The following DNAH17 variants were observed in gnomAD, a reference collection of about 807,000 sequenced individuals.
DNAH17 encodes the protein dynein axonemal heavy chain 17.
A neutral mutation model predicts 485.6 loss-of-function variants in DNAH17; 376 were observed. The ratio of observed to expected loss-of-function variants is 0.77; its 90% CI spans 0.71 to 0.84. The LOEUF is 0.84. Among genes scored for constraint, DNAH17 ranks in the 40% least tolerant of loss-of-function variants. The pLI, the probability that DNAH17 is intolerant of heterozygous loss-of-function variation, is 0.00. For missense variants in DNAH17, 6,370 were observed against 5,839.3 expected (o/e 1.09, Z -2.96); for synonymous variants, 3,031 against 2,405.9 (o/e 1.26, Z -7.60).
intron 1 of DNAH17, among the ~76,000 whole-genome samples, chr17:78,576,654 GT>G (rs1455898607): frequency 6.6e-6 from 1 of 152,160 alleles, no homozygotes; most frequent in Non-Finnish European, 1.5e-5. Context: ...GTCCTGGAAG[GT>G]TCCTGATTGG....
intron 63 of DNAH17, 73 bp from the exon 64 acceptor site, chr17:78,454,778 T>G: frequency 7.5e-7 from 1 of 1,333,540 alleles, no homozygotes; most frequent in South Asian, 1.3e-5. Flanking sequence ...GCTCTCCAAA[T>G]AATGCTCTGT....
rs564144179 is a variant in DNAH17 at position 78,563,763 on chromosome 17, T to A, written c.1570-1783A>T. Among the ~76,000 whole-genome samples, 8 of 132,022 alleles carry A rather than the reference T, an allele frequency of 6.1e-5. No homozygotes were observed. The South Asian group carries it at 1.8e-3, about 29-fold the overall frequency. The allele number at this position is 132,022 out of a possible 152,430, so 86.6% of individuals were successfully genotyped here. ...AACTAACTCCGGAACAGGCAGGGGC[T>A]GGAAGGGACAACAAGGGAGAGAAAC... On this transcript the variant is annotated intron_variant, in intron 11 of 80. Transcript: ENST00000389840.
chr17:78,499,206 T>A (rs890403575), intron 36 of DNAH17, 94 bp from the exon 37 acceptor site: 23 of 935,936 alleles, frequency 2.5e-5, no homozygotes, highest in Non-Finnish European at 3.4e-5. Context: ...GGCTGTGTTT[T>A]CTCTTCCCAA....
At position 78,479,600 on chromosome 17, in the gene DNAH17, G is replaced by A. The variant is rs551111495; in HGVS notation, c.7785C>T (p.Pro2595=). ...RHFCVFAVSF[P]GQEALTTIYN... ...AGATGGTGGTGAGGGCCTCCTGGCC[G>A]GGGAAGCTCACAGCAAACACGCAGA... Residue 2595 remains proline (P), a synonymous_variant, in exon 50 of 81, where the codon CCC becomes CCT. Coordinates refer to ENST00000389840, the MANE Select transcript of DNAH17 (RefSeq NM_173628.4). The A allele has an allele frequency of 8.0e-5, 129 of 1,613,250 alleles. No individual in the cohort carries two copies. The East Asian group carries it at 1.4e-3, about 17-fold the overall frequency.
In DNAH17 at chr17:78,475,265, A is replaced by G. The variant is rs1385881457; in HGVS notation, c.8511+13T>C. ...TACCCTGAAAGGCAGCCTATTGAACAGTAAGCTCTCACCTTGAGGTCGGGG... is the reference window on the plus strand; with the variant it reads ...TACCCTGAAAGGCAGCCTATTGAACGGTAAGCTCTCACCTTGAGGTCGGGG... On this transcript the variant is annotated intron_variant, in intron 54 of 80. Coordinates refer to ENST00000389840, the MANE Select transcript of DNAH17 (RefSeq NM_173628.4). The G allele has an allele frequency of 3.7e-6, 6 of 1,613,574 alleles. No individual in the cohort carries two copies. The highest frequency in any genetic ancestry group is 4.2e-6 in the Non-Finnish European group (5 of 1,179,698).
rs988062996 is a variant in DNAH17 at position 78,462,578 on chromosome 17, G to A, written c.9174+266C>T. ...TGGGCATGATGATCAAATCTCACCC[G>A]ACATGGGGCAGGTGCCATCCCCTGT... On this transcript the variant is annotated intron_variant, in intron 57 of 80. Coordinates refer to ENST00000389840, the MANE Select transcript of DNAH17 (RefSeq NM_173628.4). 2.1e-4 allele frequency among the ~76,000 whole-genome samples: 32 copies of A among 152,312 alleles called. 1 individual carries two copies. Among genetic ancestry groups the A allele is most frequent in the Admixed American group, 1.1e-3 (17 of 15,292 alleles).
chr17:78,546,476 G>T (rs765729216), intron 16 of DNAH17, among the ~76,000 whole-genome samples: 3 of 152,044 alleles, frequency 2.0e-5, no homozygotes, highest in Non-Finnish European at 2.9e-5. Flanking sequence ...CTTTGTTGTG[G>T]TATTTTGCTT....
intron 73 of DNAH17, 130 bp downstream of exon 73, chr17:78,438,960 G>A: frequency 7.5e-7 from 1 of 1,340,672 alleles, no homozygotes; most frequent in South Asian, 1.5e-5. Context: ...TCCTTCAGTG[G>A]TGTTAGGATT....
chr17:78,557,936 G>A (rs563755824), intron 14 of DNAH17, among the ~76,000 whole-genome samples, 172 bp downstream of exon 14: 1 of 152,228 alleles, frequency 6.6e-6, no homozygotes, highest in East Asian at 1.9e-4. Context: ...TTTATCCCAA[G>A]CACATACACA....
intron 11 of DNAH17, among the ~76,000 whole-genome samples, chr17:78,564,028 G>A (rs1473233494): frequency 6.6e-6 from 1 of 152,190 alleles, no homozygotes; most frequent in African/African-American, 2.4e-5. Context: ...CAGGTGCCAG[G>A]GATGCAGGGG....
chr17:78,484,845 C>A, intron 48 of DNAH17, 23 bp downstream of exon 48: 1 of 1,517,742 alleles, frequency 6.6e-7, no homozygotes. Context: ...CACGCCTTCC[C>A]CTCCGGCCCC....
At chr17:78,435,106 A>G (rs1240892648) in intron 74 of DNAH17, among the ~76,000 whole-genome samples, 1 of 152,154 alleles carries the variant, frequency 6.6e-6, no homozygotes, top group Non-Finnish European at 1.5e-5. Context: ...CCTGGGACAG[A>G]GACGATGGGC....
intron 54 of DNAH17, among the ~76,000 whole-genome samples, chr17:78,471,615 C>T (rs565716312): frequency 6.6e-6 from 1 of 152,306 alleles, no homozygotes; most frequent in East Asian, 1.9e-4. Flanking sequence ...GCAGCCTCGA[C>T]CTCCTGGGCT....
At position 78,505,319 on chromosome 17, in the gene DNAH17, C is replaced by A. The variant is rs370410760; in HGVS notation, c.4930G>T (p.Asp1644Tyr). 6.8e-6 allele frequency: 11 copies of A among 1,613,804 alleles called. No homozygotes were observed. Among genetic ancestry groups the A allele is most frequent in the Admixed American group, 3.3e-5 (2 of 60,002 alleles). The change falls in exon 31 of 81, where the codon GAT (aspartate) becomes TAT (tyrosine). Residue 1644 changes from aspartate to tyrosine, a missense_variant. Coordinates refer to ENST00000389840, the MANE Select transcript of DNAH17 (RefSeq NM_173628.4). ...TGCCCCGAGAGGTCGCATTCCTGAT[C>A]AAAAACCATGTACTCGTCCTCCTTG... The part of the protein sequence containing the change: ...YSKEDEYMVF[D>Y]QECDLSGQVE...
At chr17:78,467,202 C>T (rs2088512447) in intron 55 of DNAH17, among the ~76,000 whole-genome samples, 1 of 152,232 alleles carries the variant, frequency 6.6e-6, no homozygotes, top group Admixed American at 6.5e-5. Flanking sequence ...GTGGCTAATT[C>T]CCAGAAAGGG....
At chr17:78,460,983 G>A (rs534766927) in intron 58 of DNAH17, among the ~76,000 whole-genome samples, 1 of 152,262 alleles carries the variant, frequency 6.6e-6, no homozygotes, top group East Asian at 1.9e-4. Flanking sequence ...GAGGGGTCAT[G>A]AGAAGCTGCT....
In DNAH17 at chr17:78,558,148, A is replaced by G; in HGVS notation, c.2138T>C (p.Phe713Ser). Residue 713 changes from phenylalanine to serine, a missense_variant, in exon 14 of 81, where the codon TTT (phenylalanine) becomes TCT (serine). By Grantham distance (155) the Phe-to-Ser change is radical (BLOSUM62 -2). Coordinates refer to ENST00000389840, the MANE Select transcript of DNAH17 (RefSeq NM_173628.4). ...LFSENETFRK[F>S]VGNLELIVGW... is the part of the protein sequence containing the mutation. The stretch of plus-strand genomic sequence containing the variant: ...AACGATGAGCTCCAGGTTGCCCACA[A>G]ACTTCCGGAAAGTTTCGTTCTCTGA... The G allele has an allele frequency of 6.2e-7, 1 of 1,613,804 alleles. No individual in the cohort carries two copies. The highest frequency in any genetic ancestry group is 1.1e-5 in the South Asian group (1 of 91,016).
intron 43 of DNAH17, 54 bp downstream of exon 43, chr17:78,491,389 C>G: frequency 6.3e-7 from 1 of 1,590,604 alleles, no homozygotes; most frequent in African/African-American, 1.3e-5. Flanking sequence ...CCTGTGAGCC[C>G]CCGTTGTCCC....
intron 19 of DNAH17, among the ~76,000 whole-genome samples, chr17:78,536,931 T>C (rs547519543): frequency 3.0e-4 from 46 of 151,506 alleles, no homozygotes; most frequent in East Asian, 2.9e-3. Context: ...ATCCCAGCAC[T>C]TTGGGAGGCC....
Sources: allele counts gnomAD v4.1 joint callset (sites outside exome capture counted in the v4.1 genomes callset), GRCh38; gene constraint gnomAD v4.1.1; transcripts MANE v1.5; gene names NCBI Gene and HGNC (gene_info 2026-07-23, HGNC 2026-07-21).